The following ADGRL3 variants were observed in gnomAD, a reference collection of about 807,000 sequenced individuals.
ADGRL3 encodes calcium-independent alpha-latrotoxin receptor 3.
Under a neutral mutation model 153.5 loss-of-function variants are expected in ADGRL3, and 62 were observed. That is an observed-to-expected ratio of 0.40 (90% confidence interval 0.33 to 0.50). The LOEUF (loss-of-function observed/expected upper bound fraction) is 0.50, where lower values mean the gene tolerates loss of function less well. Ranked by LOEUF, ADGRL3 falls within the 20% of genes least tolerant of loss-of-function variation. ADGRL3 has a pLI of 0.47. For missense variants in ADGRL3, 1,641 were observed against 1,859.4 expected (o/e 0.88, Z 2.16); for synonymous variants, 710 against 672.5 (o/e 1.06, Z -0.86).
chr4:61,762,304 G>A (rs2096922502), intron 8 of ADGRL3, among the ~76,000 whole-genome samples: 1 of 151,854 alleles, frequency 6.6e-6, no homozygotes, highest in South Asian at 2.1e-4. Context: ...ACTTAAAGAA[G>A]GTTAAGCATT....
At chr4:61,767,815 G>A (rs1219240758) in intron 8 of ADGRL3, among the ~76,000 whole-genome samples, 1 of 152,170 alleles carries the variant, frequency 6.6e-6, no homozygotes, top group African/African-American at 2.4e-5. Context: ...GCGTTTGGAA[G>A]TTCTTGTGTG....
At chr4:61,957,532 C>T (rs1273804915) in intron 17 of ADGRL3, among the ~76,000 whole-genome samples, 1 of 145,946 alleles carries the variant, frequency 6.9e-6, no homozygotes, top group East Asian at 2.0e-4. Flanking sequence ...ATTTTTTTCT[C>T]TCTTGGTTAC....
intron 5 of ADGRL3, among the ~76,000 whole-genome samples, chr4:61,598,302 C>T (rs796406255): frequency 6.6e-6 from 1 of 152,090 alleles, no homozygotes. Context: ...TGCGAACTAA[C>T]AGAAAAGTGG....
At chr4:61,719,197 A>G (rs552147656) in intron 6 of ADGRL3, among the ~76,000 whole-genome samples, 46 of 152,290 alleles carry the variant, frequency 3.0e-4, no homozygotes, top group Non-Finnish European at 6.3e-4. Flanking sequence ...AAGGAGGAAC[A>G]TAAATTCGTA....
intron 3 of ADGRL3, among the ~76,000 whole-genome samples, chr4:61,512,949 G>A (rs745646102): frequency 2.6e-5 from 4 of 152,262 alleles, no homozygotes; most frequent in Non-Finnish European, 1.5e-5. Context: ...AAGGCTCATG[G>A]TTGGGTTGCT....
chr4:61,594,593 T>C (rs2098981673), intron 5 of ADGRL3, among the ~76,000 whole-genome samples: 1 of 152,120 alleles, frequency 6.6e-6, no homozygotes, highest in Non-Finnish European at 1.5e-5. Context: ...ACTTGTTTTT[T>C]CCCCTTACTC....
intron 1 of ADGRL3, among the ~76,000 whole-genome samples, chr4:61,298,440 A>T (rs954303222): frequency 6.6e-6 from 1 of 152,216 alleles, no homozygotes; most frequent in Non-Finnish European, 1.5e-5. Flanking sequence ...TCATTTCATT[A>T]AACAAAAGCC....
intron 1 of ADGRL3, among the ~76,000 whole-genome samples, chr4:61,361,999 T>C (rs893677550): frequency 3.4e-5 from 5 of 148,836 alleles, no homozygotes; most frequent in African/African-American, 9.8e-5. Flanking sequence ...TATATATAAA[T>C]ACATATATTT....
At chr4:61,754,098 G>C (rs546672074) in intron 8 of ADGRL3, among the ~76,000 whole-genome samples, 3 of 152,140 alleles carry the variant, frequency 2.0e-5, no homozygotes, top group Non-Finnish European at 4.4e-5. Flanking sequence ...GTTTCGAAGG[G>C]TCTTTGTAAT....
chr4:61,396,593 T>G (rs1055657535), intron 2 of ADGRL3, among the ~76,000 whole-genome samples: 1 of 151,920 alleles, frequency 6.6e-6, no homozygotes. Context: ...TAACAACATA[T>G]TTTACAGTGT....
chr4:61,808,674 A>C (rs1159022282), intron 8 of ADGRL3, among the ~76,000 whole-genome samples: 1 of 152,118 alleles, frequency 6.6e-6, no homozygotes, highest in African/African-American at 2.4e-5. Flanking sequence ...AGCTGTTATA[A>C]TGCTAGGCAT....
At chr4:61,708,812 A>T (rs2095904437) in intron 6 of ADGRL3, among the ~76,000 whole-genome samples, 1 of 151,766 alleles carries the variant, frequency 6.6e-6, no homozygotes, top group East Asian at 1.9e-4. Context: ...TTATTTATTT[A>T]TTTATTTATT....
intron 21 of ADGRL3, among the ~76,000 whole-genome samples, chr4:62,007,451 T>TATATAC (rs1203360561): frequency 7.7e-6 from 1 of 129,182 alleles, no homozygotes; most frequent in Non-Finnish European, 1.6e-5. Flanking sequence ...CACACACATA[T>TATATAC]ATATACATAT....
At chr4:62,024,749 T>C (rs759317005) in intron 21 of ADGRL3, among the ~76,000 whole-genome samples, 1 of 151,850 alleles carries the variant, frequency 6.6e-6, no homozygotes. Flanking sequence ...TCCAACATAG[T>C]GAAACCCTGT....
At chr4:62,047,216 T>G (rs1309566919) in intron 25 of ADGRL3, among the ~76,000 whole-genome samples, 1 of 152,012 alleles carries the variant, frequency 6.6e-6, no homozygotes, top group African/African-American at 2.4e-5. Context: ...GAATCTCTTA[T>G]TTTTGTCTTT....
rs567724086 is a variant in ADGRL3 at position 61,623,814 on chromosome 4, T to G, written c.473+36374T>G. On this transcript the variant is annotated intron_variant, in intron 5 of 26. Transcript: ENST00000683033. ...AACCGTGTTACATAAGAGCACTTAA[T>G]AAAGGAATGTGATCTAGTCTGAGGT... Among the ~76,000 whole-genome samples the G allele has an allele frequency of 5.9e-5, 9 of 152,230 alleles. 1 individual carries two copies. Among genetic ancestry groups the G allele is most frequent in the African/African-American group, 2.2e-4 (9 of 41,556 alleles).
chr4:61,381,847 C>G (rs1443821379), intron 1 of ADGRL3, among the ~76,000 whole-genome samples: 6 of 151,844 alleles, frequency 4.0e-5, no homozygotes, highest in Non-Finnish European at 5.9e-5. Flanking sequence ...CCTGCCCAAG[C>G]AGTCAAGTGT....
At chr4:61,692,777 A>G (rs1318939341) in intron 6 of ADGRL3, among the ~76,000 whole-genome samples, 2 of 152,242 alleles carry the variant, frequency 1.3e-5, no homozygotes, top group Middle Eastern at 3.4e-3. Flanking sequence ...ATACTTCTTT[A>G]AATTTTTGAA....
intron 6 of ADGRL3, among the ~76,000 whole-genome samples, chr4:61,691,571 A>G (rs985133899): frequency 3.3e-5 from 5 of 152,190 alleles, no homozygotes; most frequent in African/African-American, 9.6e-5. Flanking sequence ...GACTATTTGA[A>G]TAAGTAATGC....
Sources: allele counts gnomAD v4.1 joint callset (sites outside exome capture counted in the v4.1 genomes callset), GRCh38; gene constraint gnomAD v4.1.1; transcripts MANE v1.5; gene names NCBI Gene and HGNC (gene_info 2026-07-23, HGNC 2026-07-21).